The following TYW3 variants were observed in gnomAD, a reference collection of about 807,000 sequenced individuals.
TYW3 encodes tRNA wybutosine-synthesizing protein 3 homolog.
TYW3 carries 26 observed loss-of-function variants against 23.1 expected under a neutral mutation model. The ratio of observed to expected loss-of-function variants is 1.13; its 90% confidence interval spans 0.83 to 1.56. TYW3 has a LOEUF of 1.56. Ranked by LOEUF, TYW3 falls within the 40% of genes most tolerant of loss-of-function variation. The pLI, the probability that TYW3 is intolerant of heterozygous loss-of-function variation, is 0.00. For synonymous variants in TYW3, 102 were observed against 105.7 expected (o/e 0.97, Z 0.21); for missense variants, 316 against 311.9 (o/e 1.01, Z -0.10).
At chr1:74,761,120 A>G (rs1649124158) in intron 5 of TYW3, among the ~76,000 whole-genome samples, 1 of 152,056 alleles carries the variant, frequency 6.6e-6, no homozygotes. Flanking sequence ...GAGAGTTCAG[A>G]AAATTGCACT....
In TYW3 at chr1:74,733,298, G is replaced by A; in HGVS notation, c.54G>A (p.Ala18=). The A allele has an allele frequency of 6.2e-7, 1 of 1,614,198 alleles. No individual in the cohort carries two copies. The highest frequency in any genetic ancestry group is 1.1e-5 in the South Asian group (1 of 91,076). ...RKWKAQCLSK[A]DLSRKGSVDE... ...GGAAGGCGCAATGTTTGAGCAAAGC[G>A]GACCTCAGCCGGAAGGGCAGTGTTG... Residue 18 remains alanine, a synonymous_variant, in exon 1 of 6, where the codon GCG becomes GCA. Transcript: ENST00000370867.
At chr1:74,733,894 C>G (rs774501992) in intron 1 of TYW3, among the ~76,000 whole-genome samples, 14 of 152,144 alleles carry the variant, frequency 9.2e-5, no homozygotes, top group Non-Finnish European at 1.3e-4. Flanking sequence ...TTACTGCCTC[C>G]TAGTGAGCCC....
intron 2 of TYW3, 71 bp from the exon 3 acceptor site, chr1:74,738,619 A>C: frequency 1.0e-6 from 1 of 971,566 alleles, no homozygotes; most frequent in Non-Finnish European, 1.5e-6. Flanking sequence ...AATTGAAGTT[A>C]TGTATGGGGT....
intron 3 of TYW3, among the ~76,000 whole-genome samples, chr1:74,743,046 G>C (rs1415248216): frequency 6.6e-6 from 1 of 152,200 alleles, no homozygotes; most frequent in East Asian, 1.9e-4. Flanking sequence ...CCTGTTGTTG[G>C]GTCAGCTGGT....
intron 3 of TYW3, among the ~76,000 whole-genome samples, chr1:74,742,013 A>G (rs532961983): frequency 6.6e-6 from 1 of 152,328 alleles, no homozygotes; most frequent in Non-Finnish European, 1.5e-5. Flanking sequence ...CAAATCTAGG[A>G]ATTATTTCAT....
intron 5 of TYW3, among the ~76,000 whole-genome samples, chr1:74,759,620 CT>C (rs1369443270): frequency 6.6e-6 from 1 of 152,112 alleles, no homozygotes; most frequent in Non-Finnish European, 1.5e-5. Flanking sequence ...TACCACCCCC[CT>C]ATGTAGTTGA....
chr1:74,740,218 A>G (rs1011459527), intron 3 of TYW3, among the ~76,000 whole-genome samples: 1 of 152,162 alleles, frequency 6.6e-6, no homozygotes, highest in African/African-American at 2.4e-5. Flanking sequence ...TGACTTCAGG[A>G]GTGAAGCTGC....
chr1:74,751,980 G>A (rs376097005), intron 4 of TYW3, among the ~76,000 whole-genome samples: 5 of 152,206 alleles, frequency 3.3e-5, no homozygotes, highest in African/African-American at 7.2e-5. Flanking sequence ...TCTTTAAGTC[G>A]TGTATTATGG....
At chr1:74,738,451 C>T (rs540666834) in intron 2 of TYW3, among the ~76,000 whole-genome samples, 51 of 152,224 alleles carry the variant, frequency 3.4e-4, no homozygotes, top group Non-Finnish European at 5.4e-4. Context: ...CTTCAAAGCA[C>T]ACTAATAGGT....
chr1:74,739,462 A>G (rs1648274126), intron 3 of TYW3, among the ~76,000 whole-genome samples: 1 of 152,258 alleles, frequency 6.6e-6, no homozygotes, highest in South Asian at 2.1e-4. Flanking sequence ...ACTTGAAGAT[A>G]GGCTTCTCTG....
chr1:74,748,718 T>G (rs2100766566), intron 3 of TYW3, 33 bp from the exon 4 acceptor site: 1 of 1,589,514 alleles, frequency 6.3e-7, no homozygotes. Context: ...TTACCCACAG[T>G]ATCAAAATGT....
At chr1:74,745,747 C>G (rs1648545688) in intron 3 of TYW3, among the ~76,000 whole-genome samples, 3 of 152,152 alleles carry the variant, frequency 2.0e-5, no homozygotes, top group African/African-American at 7.2e-5. Flanking sequence ...ATAACACAGA[C>G]TGGGTAGTAT....
intron 3 of TYW3, among the ~76,000 whole-genome samples, chr1:74,739,431 G>C (rs1648272533): frequency 6.6e-6 from 1 of 152,194 alleles, no homozygotes; most frequent in Admixed American, 6.5e-5. Context: ...TGGTAATAGA[G>C]AACAGTGCAA....
At chr1:74,755,757 G>C (rs1298999310) in intron 5 of TYW3, among the ~76,000 whole-genome samples, 2 of 152,110 alleles carry the variant, frequency 1.3e-5, no homozygotes, top group East Asian at 3.9e-4. Flanking sequence ...ATGCAGGCAG[G>C]GTTTTTATAT....
intron 5 of TYW3, among the ~76,000 whole-genome samples, chr1:74,762,171 T>C (rs1649157183): frequency 6.6e-6 from 1 of 152,072 alleles, no homozygotes; most frequent in South Asian, 2.1e-4. Context: ...TTCTTGAAAA[T>C]GGACAGGATG....
chr1:74,766,482 G>T lies in TYW3; in HGVS notation c.*2369G>T, dbSNP rs145353641. On this transcript the variant is annotated 3_prime_UTR_variant, in exon 6 of 6. Coordinates refer to ENST00000370867, the MANE Select transcript of TYW3 (RefSeq NM_138467.3). Reference sequence around the variant, plus strand: ...TTATATCTTAGTTTTTCACAAAAAGGTTTTTCCAATGTTAAAAAAAATATA... The same window carrying T: ...TTATATCTTAGTTTTTCACAAAAAGTTTTTTCCAATGTTAAAAAAAATATA... 3.1e-4 allele frequency: 47 copies of T among 152,034 alleles called. No individual in the cohort carries two copies. Among genetic ancestry groups the T allele is most frequent in the Non-Finnish European group, 5.7e-4 (39 of 67,958 alleles). The allele number at this position is 152,034 out of a possible 1,614,324, so 9.4% of individuals were successfully genotyped here.
chr1:74,737,290 C>T (rs1392201410), intron 2 of TYW3, among the ~76,000 whole-genome samples: 1 of 152,166 alleles, frequency 6.6e-6, no homozygotes, highest in African/African-American at 2.4e-5. Context: ...TTGCAGTGTG[C>T]CTTTATTCTC....
At chr1:74,733,509 G>T (rs1647995600) in intron 1 of TYW3, 91 bp downstream of exon 1, 16 of 1,526,404 alleles carry the variant, frequency 1.0e-5, no homozygotes, top group Non-Finnish European at 1.4e-5. Context: ...GATCCAGCAT[G>T]TCTGTGTTTG....
At chr1:74,755,748 T>C (rs977654681) in intron 5 of TYW3, among the ~76,000 whole-genome samples, 5 of 152,130 alleles carry the variant, frequency 3.3e-5, no homozygotes, top group African/African-American at 9.7e-5. Flanking sequence ...GGGCCTAAAA[T>C]GCAGGCAGGG....
Sources: allele counts gnomAD v4.1 joint callset (sites outside exome capture counted in the v4.1 genomes callset), GRCh38; gene constraint gnomAD v4.1.1; transcripts MANE v1.5; gene names NCBI Gene and HGNC (gene_info 2026-07-23, HGNC 2026-07-21).